TMEM200B: variants seen among roughly 807,000 people sequenced by gnomAD.
TMEM200B encodes transmembrane protein TTMA.
TMEM200B carries 12 observed loss-of-function variants against 17.6 expected under a neutral mutation model. The observed-to-expected ratio is 0.68, with a 90% CI of 0.44 to 1.11. The LOEUF is 1.11. Ranked by LOEUF, TMEM200B falls within the 50% of genes least tolerant of loss-of-function variation. The pLI is 0.00. For missense variants in TMEM200B, 456 were observed against 447.6 expected, an observed-to-expected ratio of 1.02 and a Z score of -0.17; for synonymous variants, 234 against 209.2, an observed-to-expected ratio of 1.12 and a Z score of -1.02.
At position 29,120,253 on chromosome 1, in the gene TMEM200B, CACGATAAAGGAA is replaced by C. The variant is rs1671677646; in HGVS notation, c.*640_*651del. 1 of 152,616 alleles carries C rather than the reference CACGATAAAGGAA, an allele frequency of 6.6e-6. No homozygotes were observed. The highest frequency in any genetic ancestry group is 2.1e-4 in the South Asian group (1 of 4,822). The allele number at this position is 152,616 out of a possible 1,614,324, so 9.5% of individuals were successfully genotyped here. On this transcript the variant is annotated 3_prime_UTR_variant, in exon 2 of 2. Coordinates refer to ENST00000521452, the MANE Select transcript of TMEM200B (RefSeq NM_001003682.4). ...TGCAGTGAGATTCTGCAGCATAGGCCACGATAAAGGAAGGAGAGAAGGGGCTTCTCAGACTTA... is the reference window on the plus strand; with the variant it reads ...TGCAGTGAGATTCTGCAGCATAGGCCGGAGAGAAGGGGCTTCTCAGACTTA...
chr1:29,121,780 C>T lies in TMEM200B; in HGVS notation c.49G>A (p.Glu17Lys), dbSNP rs756675789. Reference protein sequence around the residue: ...EECGEVRRSPEGRVSRLGRRL... With the variant: ...EECGEVRRSPKGRVSRLGRRL... ...CGGCCCAAGCGAGAGACGCGGCCCT[C>T]GGGGCTCCTCCGCACCTCCCCGCAT... Residue 17 changes from glutamate to lysine, a missense_variant, in exon 2 of 2, where the codon GAG (glutamate) becomes AAG (lysine). By Grantham distance (56) the Glu-to-Lys change is moderately conservative. Coordinates refer to ENST00000521452, the MANE Select transcript of TMEM200B (RefSeq NM_001003682.4). The surrounding 1 kb of genome is among the most constrained non-coding windows in gnomAD (Gnocchi z 5.6). 2 of 1,253,940 alleles carry T rather than the reference C, an allele frequency of 1.6e-6. No homozygotes were observed. Among genetic ancestry groups the T allele is most frequent in the Non-Finnish European group, 2.0e-6 (2 of 1,000,050 alleles). The allele number at this position is 1,253,940 out of a possible 1,614,324, so 77.7% of individuals were successfully genotyped here. A position where few individuals can be genotyped will look rare whatever the true frequency, so the allele number is the denominator to read the frequency against.
chr1:29,121,810 CG>C lies in TMEM200B; in HGVS notation c.18del (p.Glu7LysfsTer88). 7.8e-7 allele frequency: 1 copy of C among 1,284,194 alleles called. No individual in the cohort carries two copies. Among genetic ancestry groups the C allele is most frequent in the Non-Finnish European group, 9.8e-7 (1 of 1,015,886 alleles). 79.5% of individuals were successfully genotyped at this position (1,284,194 alleles called of 1,614,324 possible). A position where few individuals can be genotyped will look rare whatever the true frequency, so the allele number is the denominator to read the frequency against. On this transcript the variant is annotated frameshift_variant, in exon 2 of 2. Transcript: ENST00000521452. LOFTEE classifies it high-confidence loss of function. The surrounding 1 kb of genome is among the most constrained non-coding windows in gnomAD (Gnocchi z 5.6). MTAGS[P>X]EECGEVRRSP... ...CTCCTCCGCACCTCCCCGCATTCTT[CG>C]GGGCTCCCGGCCGTCATCTCGCCGT...
rs551302550 is a variant in TMEM200B at position 29,123,024 on chromosome 1, T to C, written c.-21+832A>G. Among the ~76,000 whole-genome samples, 8 of 152,308 alleles carry C rather than the reference T, an allele frequency of 5.3e-5. No homozygotes were observed. The South Asian group carries it at 6.2e-4, about 12-fold the overall frequency. ...GCCGCAGGAGAGGAGGCTCAGGGCC[T>C]AGCTGTCCAGGGTCGTCCTCACTGC... On this transcript the variant is annotated intron_variant, in intron 1 of 1. Coordinates refer to ENST00000521452, the MANE Select transcript of TMEM200B (RefSeq NM_001003682.4).
rs965962383 is a variant in TMEM200B at position 29,120,011 on chromosome 1, C to G, written c.*894G>C. On this transcript the variant is annotated 3_prime_UTR_variant, in exon 2 of 2. Transcript: ENST00000521452. ...CTGTTTGGTCTTGCTTCTTGTATTG[C>G]ATTTTTTTCAATAAACAACAACAAA... The G allele has an allele frequency of 6.6e-6, 1 of 152,526 alleles. No homozygotes were observed. Among genetic ancestry groups the G allele is most frequent in the Non-Finnish European group, 1.5e-5 (1 of 68,020 alleles). The allele number at this position is 152,526 out of a possible 1,614,324, so 9.4% of individuals were successfully genotyped here.
At position 29,121,968 on chromosome 1, in the gene TMEM200B, T is replaced by G; in HGVS notation, c.-20-120A>C. On this transcript the variant is annotated intron_variant, in intron 1 of 1. Coordinates refer to ENST00000521452, the MANE Select transcript of TMEM200B (RefSeq NM_001003682.4). The surrounding 1 kb of genome is among the most constrained non-coding windows in gnomAD (Gnocchi z 5.6). ...CCGCCCAGCCCAGGCCGCTTGGAGA[T>G]CCCTGGCGGCCACCCCCGGATTTTC... The G allele has an allele frequency of 3.3e-5, 25 of 748,008 alleles. No individual in the cohort carries two copies. The highest frequency in any genetic ancestry group is 1.6e-4 in the East Asian group (3 of 18,634). 46.3% of individuals were successfully genotyped at this position (748,008 alleles called of 1,614,324 possible).
At position 29,121,343 on chromosome 1, in the gene TMEM200B, G is replaced by A; in HGVS notation, c.486C>T (p.Gly162=). 2 of 1,568,252 alleles carry A rather than the reference G, an allele frequency of 1.3e-6. No individual in the cohort carries two copies. Among genetic ancestry groups the A allele is most frequent in the Admixed American group, 1.9e-5 (1 of 52,738 alleles). ...LRAQALRPPD[G]PGWDCALLPS... ...GAAGGAGGGCGCAGTCCCAGCCCGG[G>A]CCGTCGGGGGGCCGGAGCGCCTGGG... Residue 162 remains glycine, a synonymous_variant, in exon 2 of 2, where the codon GGC becomes GGT. Transcript: ENST00000521452. This position sits in a 1 kb window ranked among gnomAD's most constrained non-coding sequence, Gnocchi z 5.6.
rs570435719 is a variant in TMEM200B, at chr1:29,121,357, G to A, written c.472C>T (p.Arg158Trp). 3.9e-5 allele frequency: 61 copies of A among 1,556,688 alleles called. 1 individual carries two copies. In the Middle Eastern group the frequency reaches 5.0e-4, roughly 13 times the overall value. Reference protein sequence around the residue: ...RQGVLRAQALRPPDGPGWDCA... With the variant: ...RQGVLRAQALWPPDGPGWDCA... ...TCCCAGCCCGGGCCGTCGGGGGGCC[G>A]GAGCGCCTGGGCCCGCAGCACCCCC... The change falls in exon 2 of 2, where the codon CGG (arginine) becomes TGG (tryptophan). Residue 158 changes from arginine (R) to tryptophan (W), a missense_variant. By Grantham distance (101) the Arg-to-Trp change is moderately radical. Coordinates refer to ENST00000521452, the MANE Select transcript of TMEM200B (RefSeq NM_001003682.4). This position sits in a 1 kb window ranked among gnomAD's most constrained non-coding sequence, Gnocchi z 5.6.
At chr1:29,123,400 C>G (rs1277994671) in intron 1 of TMEM200B, among the ~76,000 whole-genome samples, 1 of 152,210 alleles carries the variant, frequency 6.6e-6, no homozygotes, top group Non-Finnish European at 1.5e-5. Flanking sequence ...GAGGCCCATC[C>G]CCTCCTTGTC....
Position 29,121,148 on chromosome 1 carries a change from C to A in TMEM200B, c.681G>T (p.Lys227Asn). The A allele has an allele frequency of 6.2e-7, 1 of 1,613,718 alleles. No homozygotes were observed. The highest frequency in any genetic ancestry group is 1.1e-5 in the South Asian group (1 of 91,086). ...LPALLNSYPL[K>N]GPGLPPPWGP... is the part of the protein sequence containing the mutation. Reference sequence around the variant, plus strand: ...CCCAGGGTGGGGGCAGCCCGGGGCCCTTCAGCGGGTAGCTGTTGAGCAAGG... The same window carrying A: ...CCCAGGGTGGGGGCAGCCCGGGGCCATTCAGCGGGTAGCTGTTGAGCAAGG... Residue 227 changes from lysine (K) to asparagine (N), a missense_variant, in exon 2 of 2, where the codon AAG (lysine) becomes AAT (asparagine). Coordinates refer to ENST00000521452, the MANE Select transcript of TMEM200B (RefSeq NM_001003682.4). The surrounding 1 kb of genome is among the most constrained non-coding windows in gnomAD (Gnocchi z 5.6).
rs1054009682 is a variant in TMEM200B, at chr1:29,120,779, G to T, written c.*126C>A. On this transcript the variant is annotated 3_prime_UTR_variant, in exon 2 of 2. Transcript: ENST00000521452. Reference sequence around the variant, plus strand: ...TCAGGATGCCCTTCACAGCTGCTGTGGTCAGAGCATCCATCCCCAGCCTGG... The same window carrying T: ...TCAGGATGCCCTTCACAGCTGCTGTTGTCAGAGCATCCATCCCCAGCCTGG... The T allele has an allele frequency of 2.4e-6, 3 of 1,236,400 alleles. No individual in the cohort carries two copies. In the East Asian group the frequency reaches 7.7e-5, roughly 32 times the overall value. 76.6% of individuals were successfully genotyped at this position (1,236,400 alleles called of 1,614,324 possible).
rs1258038914 is a variant in TMEM200B, at chr1:29,123,901, G to C, written c.-66C>G. ...GGGTCCGGGTCCCAGTCCGCGCGCG[G>C]AGGCTCCAGAGCCGCCCGGGTCTCC... On this transcript the variant is annotated 5_prime_UTR_variant, in exon 1 of 2. Coordinates refer to ENST00000521452, the MANE Select transcript of TMEM200B (RefSeq NM_001003682.4). 6.6e-6 allele frequency: 1 copy of C among 152,114 alleles called. No homozygotes were observed. The highest frequency in any genetic ancestry group is 1.5e-5 in the Non-Finnish European group (1 of 67,872). 9.4% of individuals were successfully genotyped at this position (152,114 alleles called of 1,614,324 possible). A position where few individuals can be genotyped will look rare whatever the true frequency, so the allele number is the denominator to read the frequency against.
At position 29,121,231 on chromosome 1, in the gene TMEM200B, C is replaced by T. The variant is rs1391246431; in HGVS notation, c.598G>A (p.Val200Ile). The T allele has an allele frequency of 1.2e-6, 2 of 1,613,252 alleles. No individual in the cohort carries two copies. The highest frequency in any genetic ancestry group is 2.2e-5 in the East Asian group (1 of 44,862). The change falls in exon 2 of 2, where the codon GTC (valine) becomes ATC (isoleucine). Residue 200 changes from valine to isoleucine, a missense_variant. By Grantham distance (29) the Val-to-Ile change is conservative (BLOSUM62 3). Transcript: ENST00000521452. The surrounding 1 kb of genome is among the most constrained non-coding windows in gnomAD (Gnocchi z 5.6). Reference sequence around the variant, plus strand: ...GAACGCAGACTCCGCACTGACGGGACGGGTGAAGTACCCCGACGCGGGGAC... The same window carrying T: ...GAACGCAGACTCCGCACTGACGGGATGGGTGAAGTACCCCGACGCGGGGAC... ...DPSPRRGTSP[V>I]PSVRSLRSEP... is the part of the protein sequence containing the mutation.
chr1:29,120,734 T>C lies in TMEM200B; in HGVS notation c.*171A>G. 4.8e-6 allele frequency: 4 copies of C among 831,856 alleles called. No homozygotes were observed. Among genetic ancestry groups the C allele is most frequent in the Non-Finnish European group, 7.4e-6 (4 of 543,134 alleles). The allele number at this position is 831,856 out of a possible 1,614,324, so 51.5% of individuals were successfully genotyped here. ...TCACTGAGCCCTGGTGCAGCTGGCA[T>C]TTCTCTGCCCGCATGCAGGTCAGGA... On this transcript the variant is annotated 3_prime_UTR_variant, in exon 2 of 2. Transcript: ENST00000521452.
Position 29,121,379 on chromosome 1 carries a change from C to G in TMEM200B, c.450G>C (p.Gly150=). ...RDLETRRLRQ[G]VLRAQALRPP... ...GCCGGAGCGCCTGGGCCCGCAGCACCCCCTGGCGGAGCCGTCGCGTCTCCA... is the reference window on the plus strand; with the variant it reads ...GCCGGAGCGCCTGGGCCCGCAGCACGCCCTGGCGGAGCCGTCGCGTCTCCA... Residue 150 remains glycine (G), a synonymous_variant, in exon 2 of 2, where the codon GGG becomes GGC. Coordinates refer to ENST00000521452, the MANE Select transcript of TMEM200B (RefSeq NM_001003682.4). This position sits in a 1 kb window ranked among gnomAD's most constrained non-coding sequence, Gnocchi z 5.6. The G allele has an allele frequency of 1.9e-6, 3 of 1,549,410 alleles. No individual in the cohort carries two copies. Among genetic ancestry groups the G allele is most frequent in the Non-Finnish European group, 1.7e-6 (2 of 1,149,872 alleles).
chr1:29,123,377 T>G (rs995400132), intron 1 of TMEM200B, among the ~76,000 whole-genome samples: 1 of 151,994 alleles, frequency 6.6e-6, no homozygotes, highest in Non-Finnish European at 1.5e-5. Flanking sequence ...CACGGGAGTA[T>G]CCAGGAGGAA....
At position 29,121,216 on chromosome 1, in the gene TMEM200B, TC is replaced by T; in HGVS notation, c.612del (p.Ser205ValfsTer22). The T allele has an allele frequency of 6.2e-7, 1 of 1,613,274 alleles. No individual in the cohort carries two copies. On this transcript the variant is annotated frameshift_variant, in exon 2 of 2. Transcript: ENST00000521452. LOFTEE classifies it high-confidence loss of function. The surrounding 1 kb of genome is among the most constrained non-coding windows in gnomAD (Gnocchi z 5.6). ...RRGTSPVPSVRSLRSEPANPR... is the reference protein window; with the variant it reads ...RRGTSPVPSVXSLRSEPANPR... ...GGATTAGCGGGCTCTGAACGCAGAC[TC>T]CGCACTGACGGGACGGGTGAAGTAC...
Position 29,121,698 on chromosome 1 carries a change from G to GCCCGCA in TMEM200B, c.125_130dup (p.Val42_Arg43dup), listed in dbSNP as rs1297748275. ...CGACGGCGAGCGCAGCCGCAGCCGC[G>GCCCGCA]CCCGCACCCGCAGAGGCTCGGGCGG... On this transcript the variant is annotated inframe_insertion, in exon 2 of 2. Coordinates refer to ENST00000521452, the MANE Select transcript of TMEM200B (RefSeq NM_001003682.4). This position sits in a 1 kb window ranked among gnomAD's most constrained non-coding sequence, Gnocchi z 5.6. 2.3e-6 allele frequency: 3 copies of GCCCGCA among 1,292,058 alleles called. No individual in the cohort carries two copies. The highest frequency in any genetic ancestry group is 2.3e-5 in the South Asian group (1 of 42,668). The allele number at this position is 1,292,058 out of a possible 1,614,324, so 80.0% of individuals were successfully genotyped here.
Position 29,120,731 on chromosome 1 carries a change from G to C in TMEM200B, c.*174C>G, listed in dbSNP as rs1312909180. The C allele has an allele frequency of 5.1e-6, 4 of 787,982 alleles. No individual in the cohort carries two copies. The highest frequency in any genetic ancestry group is 7.9e-6 in the Non-Finnish European group (4 of 503,358). 48.8% of individuals were successfully genotyped at this position (787,982 alleles called of 1,614,324 possible). ...AGCTCACTGAGCCCTGGTGCAGCTG[G>C]CATTTCTCTGCCCGCATGCAGGTCA... On this transcript the variant is annotated 3_prime_UTR_variant, in exon 2 of 2. Transcript: ENST00000521452.
chr1:29,121,567 T>G lies in TMEM200B; in HGVS notation c.262A>C (p.Asn88His), dbSNP rs1671784035. 1 of 1,501,484 alleles carries G rather than the reference T, an allele frequency of 6.7e-7. No homozygotes were observed. The highest frequency in any genetic ancestry group is 2.7e-5 in the East Asian group (1 of 37,680). 93.0% of individuals were successfully genotyped at this position (1,501,484 alleles called of 1,614,324 possible). Reference protein sequence around the residue: ...RAGAPGSRAANASSPQMSELR... With the variant: ...RAGAPGSRAAHASSPQMSELR... ...TCGCTCATCTGGGGCGAGCTGGCAT[T>G]GGCGGCCCGGGACCCTGGGGCCCCG... The change falls in exon 2 of 2, where the codon AAT (asparagine) becomes CAT (histidine). Residue 88 changes from asparagine to histidine, a missense_variant. Coordinates refer to ENST00000521452, the MANE Select transcript of TMEM200B (RefSeq NM_001003682.4). The surrounding 1 kb of genome is among the most constrained non-coding windows in gnomAD (Gnocchi z 5.6).
Sources: allele counts gnomAD v4.1 joint callset (sites outside exome capture counted in the v4.1 genomes callset), GRCh38; gene constraint gnomAD v4.1.1; non-coding constraint Gnocchi (gnomAD v3.1); transcripts MANE v1.5; gene names NCBI Gene and HGNC (gene_info 2026-07-23, HGNC 2026-07-21).